CLTCL1: variants seen among roughly 807,000 people sequenced by gnomAD.
CLTCL1 encodes clathrin heavy chain 2.
A neutral mutation model predicts 190.0 loss-of-function variants in CLTCL1; 159 were observed. The observed-to-expected ratio is 0.84, with a 90% CI of 0.74 to 0.95. CLTCL1 has a LOEUF of 0.95. CLTCL1 is among the 40% of genes least tolerant of loss of function. The probability of loss-of-function intolerance (pLI) is 0.00; values close to 1 mark genes in which losing one functional copy is unlikely to be tolerated. For missense variants in CLTCL1, 1,878 were observed against 2,033.4 expected (o/e 0.92, Z 1.47); for synonymous variants, 752 against 769.6 (o/e 0.98, Z 0.38).
At chr22:19,247,280 C>T (rs1394766284) in intron 3 of CLTCL1, among the ~76,000 whole-genome samples, 5 of 152,226 alleles carry the variant, frequency 3.3e-5, no homozygotes, top group African/African-American at 1.2e-4. Context: ...AGTCTTGACA[C>T]TCTCATCAAA....
chr22:19,202,039 T>C (rs2084903367), intron 22 of CLTCL1, among the ~76,000 whole-genome samples: 1 of 152,018 alleles, frequency 6.6e-6, no homozygotes, highest in Non-Finnish European at 1.5e-5. Context: ...CTTCCACAAG[T>C]ACCTACTCTG....
At chr22:19,209,297 A>C in intron 20 of CLTCL1, 183 bp from the exon 21 acceptor site, 2 of 517,506 alleles carry the variant, frequency 3.9e-6, no homozygotes, top group African/African-American at 1.9e-5. Flanking sequence ...GAGCTATTAT[A>C]TGAGAAGGGG....
chr22:19,274,038 C>T lies in CLTCL1; in HGVS notation c.250+1585G>A, dbSNP rs138991495. Among the ~76,000 whole-genome samples, 865 of 152,256 alleles carry T rather than the reference C, an allele frequency of 5.7e-3. 12 individuals are homozygous for T. The highest frequency in any genetic ancestry group is 0.019 in the African/African-American group (779 of 41,568). On this transcript the variant is annotated intron_variant, in intron 2 of 32. Coordinates refer to ENST00000427926, the MANE Select transcript of CLTCL1 (RefSeq NM_007098.4). ...ACACACACACCCTAGGAGCTCCGCA[C>T]TGCACATTGTTAAAGAGAACTGTAC...
chr22:19,258,531 AACAGGGTCCT>A, intron 2 of CLTCL1: 2 of 558,392 alleles, frequency 3.6e-6, no homozygotes, highest in Non-Finnish European at 6.7e-6. Context: ...GGAGCAGCTC[AACAGGGTCCT>A]ACTGTACCTG....
In CLTCL1 at chr22:19,187,713, T is replaced by C. The variant is rs782250309; in HGVS notation, c.4450A>G (p.Ile1484Val). The C allele has an allele frequency of 1.2e-5, 20 of 1,613,674 alleles. No homozygotes were observed. The East Asian group carries it at 2.7e-4, about 22-fold the overall frequency. Residue 1484 changes from isoleucine (I) to valine (V), a missense_variant, in exon 29 of 33, where the codon ATC becomes GTC. Coordinates refer to ENST00000427926, the MANE Select transcript of CLTCL1 (RefSeq NM_007098.4). ...EEDYQGLRAS[I>V]DAYDNFDNIS... ...TTGTCAAAGTTGTCATAGGCATCGA[T>C]AGATGCCCTTAAGCCCTAGGAAGAC...
In CLTCL1 at chr22:19,208,987, T is replaced by C; in HGVS notation, c.3377A>G (p.Asn1126Ser). 1 of 1,611,868 alleles carries C rather than the reference T, an allele frequency of 6.2e-7. No homozygotes were observed. Among genetic ancestry groups the C allele is most frequent in the Non-Finnish European group, 8.5e-7 (1 of 1,179,096 alleles). ...AGGGTCGTCCCCTCTGATATAGGAG[T>C]TGATGGCTTCCTTCACCAAATCTTT... ...LQKDLVKEAI[N>S]SYIRGDDPSS... is the part of the protein sequence containing the mutation. The change falls in exon 21 of 33, where the codon AAC becomes AGC. Residue 1126 changes from asparagine to serine, a missense_variant. Physicochemically the swap from Asn to Ser is conservative, Grantham distance 46. Coordinates refer to ENST00000427926, the MANE Select transcript of CLTCL1 (RefSeq NM_007098.4).
intron 5 of CLTCL1, among the ~76,000 whole-genome samples, chr22:19,237,431 C>T (rs572055064): frequency 2.0e-5 from 3 of 152,260 alleles, no homozygotes; most frequent in African/African-American, 7.2e-5. Context: ...GGAAAGACAT[C>T]ACAACATGGG....
intron 28 of CLTCL1, 60 bp from the exon 29 acceptor site, chr22:19,187,788 G>C (rs2084362126): frequency 6.4e-7 from 1 of 1,554,172 alleles, no homozygotes. Context: ...TACACATGGA[G>C]CAGGCACCTT....
At position 19,288,219 on chromosome 22, in the gene CLTCL1, A is replaced by G. The variant is rs559689484; in HGVS notation, c.42+3381T>C. Reference sequence around the variant, plus strand: ...CTTAATTTACTTAATAATGGCCCCAAAGTCCAACAGTAGTGATGCTGGCAT... The same window carrying G: ...CTTAATTTACTTAATAATGGCCCCAGAGTCCAACAGTAGTGATGCTGGCAT... On this transcript the variant is annotated intron_variant, in intron 1 of 32. Transcript: ENST00000427926. Among the ~76,000 whole-genome samples, 41 of 152,274 alleles carry G rather than the reference A, an allele frequency of 2.7e-4. No homozygotes were observed. The South Asian group carries it at 8.1e-3, about 30-fold the overall frequency.
intron 27 of CLTCL1, among the ~76,000 whole-genome samples, chr22:19,188,939 T>G (rs5746678): frequency 0.019 from 2,851 of 151,888 alleles, 52 homozygotes; most frequent in East Asian, 0.069. Context: ...TTCTTTTTTT[T>G]GGGGCGGGAG....
At chr22:19,183,007 C>G in intron 30 of CLTCL1, 1 of 274,794 alleles carries the variant, frequency 3.6e-6, no homozygotes, top group Non-Finnish European at 7.1e-6. Context: ...AACAGCTGCA[C>G]CCCCAGACGC....
Position 19,230,964 on chromosome 22 carries a change from T to G in CLTCL1, c.1645-989A>C, listed in dbSNP as rs549044506. ...ATTTCTTCTCTCTTTCTCCTGGAGC[T>G]GGGACATTCTCCACCTCCTACCTTT... On this transcript the variant is annotated intron_variant, in intron 10 of 32. Transcript: ENST00000427926. Among the ~76,000 whole-genome samples the G allele has an allele frequency of 1.6e-4, 24 of 152,282 alleles. No individual in the cohort carries two copies. The East Asian group carries it at 3.9e-3, about 25-fold the overall frequency.
intron 19 of CLTCL1, among the ~76,000 whole-genome samples, chr22:19,214,032 T>C (rs939299478): frequency 6.6e-6 from 1 of 152,232 alleles, no homozygotes; most frequent in Non-Finnish European, 1.5e-5. Context: ...ACTGTATGAC[T>C]GTACTACAGC....
intron 23 of CLTCL1, 130 bp downstream of exon 23, chr22:19,201,199 G>A: frequency 9.0e-7 from 1 of 1,113,374 alleles, no homozygotes; most frequent in South Asian, 1.7e-5. Flanking sequence ...GAGACTCTAA[G>A]AATCCCAAGG....
intron 29 of CLTCL1, chr22:19,184,311 G>T: frequency 2.8e-6 from 1 of 359,358 alleles, no homozygotes; most frequent in Non-Finnish European, 5.6e-6. Flanking sequence ...AGTTGGCCAT[G>T]ATCCACTGAC....
chr22:19,242,516 G>A (rs1391112467), intron 4 of CLTCL1, among the ~76,000 whole-genome samples: 1 of 152,090 alleles, frequency 6.6e-6, no homozygotes, highest in Non-Finnish European at 1.5e-5. Context: ...GGCTGTTCTT[G>A]AACTCCTGAC....
At position 19,221,482 on chromosome 22, in the gene CLTCL1, A is replaced by C; in HGVS notation, c.2691T>G (p.Asn897Lys). The C allele has an allele frequency of 6.3e-7, 1 of 1,595,642 alleles. No homozygotes were observed. Among genetic ancestry groups the C allele is most frequent in the Non-Finnish European group, 8.5e-7 (1 of 1,170,822 alleles). ...NNSPECFLRE[N>K]AYYDSSVVGR... ...CCACCACGCTGCTGTCATAGTAGGC[A>C]TTCTCTCTCAGGAAGCACTCGGGGC... is the stretch of plus-strand genomic sequence containing the variant. Residue 897 changes from asparagine (N) to lysine (K), a missense_variant, in exon 17 of 33, where the codon AAT becomes AAG. Physicochemically the swap from Asn to Lys is moderately conservative, Grantham distance 94. Transcript: ENST00000427926.
intron 27 of CLTCL1, among the ~76,000 whole-genome samples, chr22:19,190,027 A>G (rs892824076): frequency 6.6e-6 from 1 of 151,852 alleles, no homozygotes; most frequent in Admixed American, 6.6e-5. Context: ...GCTCACTGCA[A>G]CCTCCCGGGT....
chr22:19,181,169 C>T (rs184154836), intron 30 of CLTCL1: 3 of 261,556 alleles, frequency 1.1e-5, no homozygotes, highest in African/African-American at 2.2e-5. Context: ...GGGCTGGGGC[C>T]ATGTGCAGGG....
Sources: allele counts gnomAD v4.1 joint callset (sites outside exome capture counted in the v4.1 genomes callset), GRCh38; gene constraint gnomAD v4.1.1; transcripts MANE v1.5; gene names NCBI Gene and HGNC (gene_info 2026-07-23, HGNC 2026-07-21).